Variants in MIR2052HG observed in about 807,000 individuals in gnomAD.
The protein encoded by MIR2052HG is MIR2052 host gene.
intron 4 of MIR2052HG, among the ~76,000 whole-genome samples, chr8:74,721,864 A>G (rs1483552163): frequency 6.6e-6 from 1 of 152,160 alleles, no homozygotes; most frequent in Non-Finnish European, 1.5e-5. Flanking sequence ...TTTGGAGACT[A>G]CCTACCATAT....
intron 2 of MIR2052HG, among the ~76,000 whole-genome samples, chr8:74,667,464 A>G (rs1808942633): frequency 6.6e-6 from 1 of 152,224 alleles, no homozygotes; most frequent in Non-Finnish European, 1.5e-5. Context: ...GTAAATGAAT[A>G]TGGCATTATT....
chr8:74,629,396 A>G (rs1808478606), intron 2 of MIR2052HG, among the ~76,000 whole-genome samples: 1 of 152,076 alleles, frequency 6.6e-6, no homozygotes, highest in Non-Finnish European at 1.5e-5. Context: ...GCCAGGTTGC[A>G]GATAATTACT....
At chr8:74,661,262 G>C (rs980509006) in intron 2 of MIR2052HG, among the ~76,000 whole-genome samples, 15 of 150,940 alleles carry the variant, frequency 9.9e-5, no homozygotes, top group African/African-American at 3.7e-4. Context: ...TGTGCTTATG[G>C]TGCGGTCTTG....
At chr8:74,623,553 T>C (rs898749167) in intron 2 of MIR2052HG, among the ~76,000 whole-genome samples, 1 of 152,230 alleles carries the variant, frequency 6.6e-6, no homozygotes, top group Non-Finnish European at 1.5e-5. Context: ...CTAAAATAAA[T>C]ACAATGTCAT....
chr8:74,681,245 G>A (rs1809121424), intron 2 of MIR2052HG, among the ~76,000 whole-genome samples: 1 of 151,730 alleles, frequency 6.6e-6, no homozygotes, highest in Non-Finnish European at 1.5e-5. Context: ...TGTCACCAAG[G>A]CATAAATTTT....
chr8:74,737,450 C>T (rs566100978), intron 4 of MIR2052HG, among the ~76,000 whole-genome samples: 4 of 152,210 alleles, frequency 2.6e-5, no homozygotes, highest in Admixed American at 6.5e-5. Context: ...TTGCTTCATT[C>T]TTTACTTGCT....
intron 2 of MIR2052HG, among the ~76,000 whole-genome samples, chr8:74,628,534 T>G (rs1340318389): frequency 1.3e-5 from 2 of 152,178 alleles, no homozygotes; most frequent in Non-Finnish European, 2.9e-5. Context: ...TAAAAACTGC[T>G]TGGGGCAAAG....
At chr8:74,717,839 CTATTT>C (rs1809536434) in intron 4 of MIR2052HG, among the ~76,000 whole-genome samples, 1 of 151,416 alleles carries the variant, frequency 6.6e-6, no homozygotes, top group South Asian at 2.1e-4. Flanking sequence ...TAATGCTAAA[CTATTT>C]TATTTTATTT....
intron 4 of MIR2052HG, among the ~76,000 whole-genome samples, chr8:74,727,369 A>G (rs781166747): frequency 6.6e-6 from 1 of 152,218 alleles, no homozygotes; most frequent in Non-Finnish European, 1.5e-5. Flanking sequence ...ACCTATTCCC[A>G]TGATTGCACA....
intron 2 of MIR2052HG, among the ~76,000 whole-genome samples, chr8:74,700,387 G>A (rs754149976): frequency 6.6e-6 from 1 of 152,124 alleles, no homozygotes; most frequent in Non-Finnish European, 1.5e-5. Context: ...CTCTAAACCA[G>A]TGTTGCCTTG....
At chr8:74,703,440 C>G (rs1479896367) in intron 3 of MIR2052HG, among the ~76,000 whole-genome samples, 2 of 151,996 alleles carry the variant, frequency 1.3e-5, no homozygotes, top group African/African-American at 4.8e-5. Context: ...GAGCCTATTG[C>G]ATGCTGGCTC....
At chr8:74,714,606 T>C (rs1809501766) in intron 4 of MIR2052HG, among the ~76,000 whole-genome samples, 1 of 152,116 alleles carries the variant, frequency 6.6e-6, no homozygotes, top group South Asian at 2.1e-4. Flanking sequence ...CAATTGTGTG[T>C]GCTAGAATTT....
At chr8:74,687,885 T>C (rs1405289753) in intron 2 of MIR2052HG, among the ~76,000 whole-genome samples, 1 of 152,136 alleles carries the variant, frequency 6.6e-6, no homozygotes, top group East Asian at 1.9e-4. Context: ...GTTGGGTATG[T>C]TTATTACCTT....
At chr8:74,654,955 G>T (rs186592871) in intron 2 of MIR2052HG, among the ~76,000 whole-genome samples, 2 of 152,260 alleles carry the variant, frequency 1.3e-5, no homozygotes, top group East Asian at 1.9e-4. Flanking sequence ...GGCTGAGAAG[G>T]TCTCAGATGG....
chr8:74,731,539 A>G (rs910168116), intron 4 of MIR2052HG, among the ~76,000 whole-genome samples: 4 of 152,106 alleles, frequency 2.6e-5, no homozygotes, highest in Admixed American at 2.6e-4. Flanking sequence ...ACCTATGACC[A>G]TTGATCCACT....
At chr8:74,649,934 T>C (rs1056840568) in intron 2 of MIR2052HG, among the ~76,000 whole-genome samples, 18 of 152,132 alleles carry the variant, frequency 1.2e-4, no homozygotes, top group African/African-American at 3.9e-4. Context: ...TTATTATTCC[T>C]ATAAAGTGTC....
chr8:74,732,628 G>A (rs1436230712), intron 4 of MIR2052HG, among the ~76,000 whole-genome samples: 1 of 152,136 alleles, frequency 6.6e-6, no homozygotes, highest in African/African-American at 2.4e-5. Context: ...AAAGATGATA[G>A]CCAGTGAAAG....
intron 1 of MIR2052HG, chr8:74,612,712 G>C (rs1004435014): frequency 4.3e-5 from 15 of 349,516 alleles, no homozygotes; most frequent in African/African-American, 3.0e-4. Context: ...GTTTTATTAA[G>C]TCTTAAAAGT....
chr8:74,714,140 G>C (rs536215776), intron 4 of MIR2052HG, among the ~76,000 whole-genome samples: 1 of 152,134 alleles, frequency 6.6e-6, no homozygotes, highest in Non-Finnish European at 1.5e-5. Flanking sequence ...TCCAATCAGG[G>C]TTTATTAAGG....
Sources: gnomAD v4.1 joint callset for allele counts (sites outside exome capture counted in the v4.1 genomes callset) on GRCh38, gnomAD v4.1.1 for gene constraint, MANE v1.5 for transcripts, NCBI Gene and HGNC (gene_info 2026-07-23, HGNC 2026-07-21) for gene names.